The following PLCB1 variants were observed in gnomAD, a reference collection of about 807,000 sequenced individuals.
PLCB1 encodes the protein phospholipase C beta 1, also known as 1-phosphatidylinositol 4,5-bisphosphate phosphodiesterase beta-1.
In PLCB1, 46 loss-of-function variants were observed where a neutral mutation model predicts 161.8. That is an observed-to-expected ratio of 0.28 (90% confidence interval 0.22 to 0.36). The LOEUF (loss-of-function observed/expected upper bound fraction) is 0.36, where lower values mean the gene tolerates loss of function less well. Among genes scored for constraint, PLCB1 ranks in the 10% least tolerant of loss-of-function variants. PLCB1 has a pLI of 1.00. For synonymous variants in PLCB1, 517 were observed against 503.7 expected (o/e 1.03, Z -0.35); for missense variants, 1,016 against 1,472.5 (o/e 0.69, Z 5.07).
chr20:8,187,610 A>G (rs2051919388), intron 2 of PLCB1, among the ~76,000 whole-genome samples: 1 of 151,990 alleles, frequency 6.6e-6, no homozygotes, highest in African/African-American at 2.4e-5. Flanking sequence ...TCTCATCCTC[A>G]GCCATTCTTC....
intron 2 of PLCB1, among the ~76,000 whole-genome samples, chr20:8,370,566 A>T (rs1001550792): frequency 3.9e-5 from 6 of 152,146 alleles, no homozygotes; most frequent in African/African-American, 1.4e-4. Context: ...GCCCTTTCTC[A>T]TCTAGGCATT....
intron 23 of PLCB1, among the ~76,000 whole-genome samples, chr20:8,743,204 T>C (rs1287611914): frequency 1.3e-5 from 2 of 152,208 alleles, no homozygotes; most frequent in Admixed American, 1.3e-4. Flanking sequence ...TGGCTTTCAT[T>C]GTGTTGATGT....
chr20:8,775,280 G>A (rs927912850), intron 27 of PLCB1, among the ~76,000 whole-genome samples: 3 of 152,050 alleles, frequency 2.0e-5, no homozygotes, highest in Non-Finnish European at 4.4e-5. Flanking sequence ...GTTTTCTCAC[G>A]AATTGAGACA....
intron 3 of PLCB1, among the ~76,000 whole-genome samples, chr20:8,594,119 G>A (rs1219490185): frequency 1.3e-5 from 2 of 152,022 alleles, no homozygotes; most frequent in Admixed American, 1.3e-4. Context: ...CCTGCCTCAA[G>A]CAATACTTCT....
intron 3 of PLCB1, among the ~76,000 whole-genome samples, chr20:8,581,854 A>C (rs1309170456): frequency 6.6e-6 from 1 of 152,222 alleles, no homozygotes; most frequent in Non-Finnish European, 1.5e-5. Context: ...TTGTATGGAA[A>C]ATGAATCCAA....
intron 3 of PLCB1, among the ~76,000 whole-genome samples, chr20:8,541,984 A>G (rs1985352159): frequency 6.6e-6 from 1 of 152,240 alleles, no homozygotes; most frequent in African/African-American, 2.4e-5. Context: ...TTTTCCTCCC[A>G]GTCGGAGGCA....
At chr20:8,652,927 TAAC>T (rs2123305661) in intron 7 of PLCB1, 1 of 152,220 alleles carries the variant, frequency 6.6e-6, no homozygotes, top group South Asian at 2.1e-4. Flanking sequence ...GTCCTTCTGT[TAAC>T]AACCCAAGCA....
At chr20:8,433,993 A>C (rs999015418) in intron 3 of PLCB1, among the ~76,000 whole-genome samples, 7 of 152,188 alleles carry the variant, frequency 4.6e-5, no homozygotes, top group African/African-American at 1.7e-4. Flanking sequence ...TTACCAGAAA[A>C]CTACAAGATG....
At chr20:8,743,194 T>C (rs552391243) in intron 23 of PLCB1, among the ~76,000 whole-genome samples, 2 of 152,322 alleles carry the variant, frequency 1.3e-5, no homozygotes, top group East Asian at 1.9e-4. Flanking sequence ...CTGTTATATA[T>C]GGCTTTCATT....
At chr20:8,393,894 T>C (rs73090216) in intron 3 of PLCB1, among the ~76,000 whole-genome samples, 1,927 of 152,268 alleles carry the variant, frequency 0.013, 16 homozygotes, top group South Asian at 0.021. Flanking sequence ...TTAAAGATGT[T>C]TAGAGAACAG....
intron 31 of PLCB1, among the ~76,000 whole-genome samples, chr20:8,835,331 G>T (rs1242379491): frequency 6.6e-6 from 1 of 152,144 alleles, no homozygotes; most frequent in Non-Finnish European, 1.5e-5. Flanking sequence ...CATGGACATG[G>T]CTTTTTGTCT....
intron 3 of PLCB1, among the ~76,000 whole-genome samples, chr20:8,515,596 A>T (rs1984075776): frequency 6.6e-6 from 1 of 152,136 alleles, no homozygotes; most frequent in South Asian, 2.1e-4. Flanking sequence ...TACTTCCCAC[A>T]ATCTGGGTCA....
chr20:8,252,343 C>G (rs549173921), intron 2 of PLCB1, among the ~76,000 whole-genome samples: 1 of 152,000 alleles, frequency 6.6e-6, no homozygotes, highest in South Asian at 2.1e-4. Flanking sequence ...TGCTGACTTC[C>G]CTTGTGAAAA....
intron 3 of PLCB1, among the ~76,000 whole-genome samples, chr20:8,559,101 AAGAC>A (rs1986058307): frequency 6.6e-6 from 1 of 152,072 alleles, no homozygotes; most frequent in South Asian, 2.1e-4. Context: ...TATGATTTAA[AAGAC>A]AGATATATCA....
chr20:8,208,100 A>G (rs1272635535), intron 2 of PLCB1, among the ~76,000 whole-genome samples: 1 of 152,128 alleles, frequency 6.6e-6, no homozygotes, highest in Non-Finnish European at 1.5e-5. Flanking sequence ...TCCTTTTGTC[A>G]GAATCCCAAA....
intron 3 of PLCB1, among the ~76,000 whole-genome samples, chr20:8,451,416 T>G (rs2122647841): frequency 6.6e-6 from 1 of 152,278 alleles, no homozygotes; most frequent in East Asian, 1.9e-4. Flanking sequence ...GGCACGATCT[T>G]GGCTCACTGC....
chr20:8,777,969 A>T (rs949868392), intron 27 of PLCB1, among the ~76,000 whole-genome samples: 1 of 152,104 alleles, frequency 6.6e-6, no homozygotes. Flanking sequence ...ACTCACTATC[A>T]TGAGAACAGC....
rs3761170 is a variant in PLCB1, at chr20:8,737,066, G to A, written c.2082G>A (p.Gly694=). 110,756 of 1,612,662 alleles carry A rather than the reference G, an allele frequency of 0.069. 4,673 individuals are homozygous for A. The highest frequency in any genetic ancestry group is 0.16 in the South Asian group (14,115 of 90,996). Residue 694 remains glycine, a synonymous_variant, in exon 20 of 32, where the codon GGG becomes GGA. Transcript: ENST00000338037. ...SGQFLSDKKV[G]TYVEVDMFGL... is the part of the protein sequence containing the mutation. ...AGTTTCTTTCTGATAAGAAAGTTGG[G>A]ACTTACGTGGAAGTAGATATGTTTG...
intron 23 of PLCB1, among the ~76,000 whole-genome samples, chr20:8,747,333 A>G (rs901056243): frequency 6.6e-6 from 1 of 152,178 alleles, no homozygotes; most frequent in Non-Finnish European, 1.5e-5. Context: ...TTCATTTGCC[A>G]AGCATTCATT....
Sources: allele counts gnomAD v4.1 joint callset (sites outside exome capture counted in the v4.1 genomes callset), GRCh38; gene constraint gnomAD v4.1.1; transcripts MANE v1.5; gene names NCBI Gene and HGNC (gene_info 2026-07-23, HGNC 2026-07-21).